Variants in MPP7 observed in about 807,000 individuals in gnomAD.
MPP7 encodes the protein MAGUK p55 scaffold protein 7.
Under a neutral mutation model 76.5 loss-of-function variants are expected in MPP7, and 60 were observed. That is an observed-to-expected ratio of 0.78 (90% CI 0.64 to 0.97). The LOEUF (loss-of-function observed/expected upper bound fraction) is 0.97, where lower values mean the gene tolerates loss of function less well. Among genes scored for constraint, MPP7 ranks in the 50% least tolerant of loss-of-function variants. The pLI is 0.00. For synonymous variants in MPP7, 237 were observed against 244.5 expected (o/e 0.97, Z 0.29); for missense variants, 641 against 694.0 (o/e 0.92, Z 0.86).
At chr10:28,306,829 G>A (rs975393199), upstream of MPP7, among the ~76,000 whole-genome samples, 18 of 152,264 alleles carry the variant, frequency 1.2e-4, no homozygotes, top group African/African-American at 1.9e-4. Flanking sequence ...GACCCAGATC[G>A]CAGACCTGAA....
At chr10:28,185,468 C>CA (rs1242160275) in intron 3 of MPP7, among the ~76,000 whole-genome samples, 1 of 152,088 alleles carries the variant, frequency 6.6e-6, no homozygotes, top group Non-Finnish European at 1.5e-5. Flanking sequence ...GGTGAATAGA[C>CA]AGACTCAATG....
chr10:28,169,510 C>T (rs1208765328), intron 3 of MPP7, among the ~76,000 whole-genome samples: 1 of 151,810 alleles, frequency 6.6e-6, no homozygotes, highest in Non-Finnish European at 1.5e-5. Flanking sequence ...AGCAAGACCC[C>T]ATCTCTTTAA....
chr10:28,147,407 C>T (rs1395828420), intron 5 of MPP7, 76 bp downstream of exon 5: 17 of 1,174,910 alleles, frequency 1.4e-5, no homozygotes, highest in East Asian at 4.7e-5. Flanking sequence ...AATTGATGCT[C>T]GAAACAAAAT....
chr10:28,195,424 C>G (rs1837548299), intron 3 of MPP7, among the ~76,000 whole-genome samples: 1 of 152,138 alleles, frequency 6.6e-6, no homozygotes, highest in Non-Finnish European at 1.5e-5. Flanking sequence ...TACATCTATG[C>G]AATAACTTAT....
chr10:28,114,507 G>A (rs1230484902), intron 11 of MPP7, among the ~76,000 whole-genome samples: 1 of 152,010 alleles, frequency 6.6e-6, no homozygotes, highest in Non-Finnish European at 1.5e-5. Flanking sequence ...CACGTGGTGA[G>A]TCCTGCACAC....
chr10:28,212,177 C>T (rs919137065), intron 2 of MPP7, among the ~76,000 whole-genome samples: 5 of 151,810 alleles, frequency 3.3e-5, no homozygotes, highest in East Asian at 1.9e-4. Flanking sequence ...GAGAACAGAT[C>T]GCAGGAAGCC....
At chr10:28,146,386 G>GC (rs1381310002) in intron 5 of MPP7, among the ~76,000 whole-genome samples, 1 of 139,772 alleles carries the variant, frequency 7.2e-6, no homozygotes, top group Non-Finnish European at 1.5e-5. Context: ...GTCCACGCAT[G>GC]TTTTTTTTTT....
At chr10:28,059,516 C>A (rs1851691741) in intron 14 of MPP7, 134 bp downstream of exon 14, 2 of 578,014 alleles carry the variant, frequency 3.5e-6, no homozygotes, top group South Asian at 2.5e-5. Context: ...AAATTATTAC[C>A]TTTTCATCTG....
At chr10:28,057,568 C>T (rs1291303586) in intron 15 of MPP7, 2 of 339,878 alleles carry the variant, frequency 5.9e-6, no homozygotes, top group African/African-American at 2.4e-5. Context: ...CATCACGCTT[C>T]CTGTACAGTC....
chr10:28,102,497 T>C (rs1252913398), intron 11 of MPP7, among the ~76,000 whole-genome samples: 2 of 152,198 alleles, frequency 1.3e-5, no homozygotes, highest in Admixed American at 1.3e-4. Context: ...TTATTAAATA[T>C]GGTTTTAAAG....
chr10:28,213,809 A>AAAGAG (rs1554852417), intron 2 of MPP7, among the ~76,000 whole-genome samples: 7 of 136,462 alleles, frequency 5.1e-5, no homozygotes, highest in African/African-American at 1.5e-4. Context: ...AAAAAAAAAA[A>AAAGAG]AGAGAGAGAG....
chr10:28,246,675 G>A (rs1033865231), intron 1 of MPP7, among the ~76,000 whole-genome samples: 1 of 152,094 alleles, frequency 6.6e-6, no homozygotes, highest in African/African-American at 2.4e-5. Context: ...GACAAACAGA[G>A]GATAGGGGAA....
rs149943516 is a variant in MPP7, at chr10:28,294,204, G to A, written c.-132+8657C>T. Reference sequence around the variant, plus strand: ...CAGTTTAAATATGTTTTAAACTGGAGGCTGAGGCAGGAGAATGGCGTGAAG... The same window carrying A: ...CAGTTTAAATATGTTTTAAACTGGAAGCTGAGGCAGGAGAATGGCGTGAAG... On this transcript the variant is annotated intron_variant, in intron 1 of 16. Coordinates refer to ENST00000683449, the MANE Select transcript of MPP7 (RefSeq NM_001318170.2). Among the ~76,000 whole-genome samples, 732 of 152,310 alleles carry A rather than the reference G, an allele frequency of 4.8e-3. 5 individuals are homozygous for A. The highest frequency in any genetic ancestry group is 8.5e-3 in the Non-Finnish European group (576 of 68,032).
At position 28,056,623 on chromosome 10, in the gene MPP7, T is replaced by C. The variant is rs1254624625; in HGVS notation, c.1408A>G (p.Thr470Ala). Residue 470 changes from threonine to alanine, a missense_variant and splice_region_variant, in exon 16 of 17, where the codon ACA becomes GCA. Thr to Ala is a moderately conservative substitution (Grantham distance 58, BLOSUM62 0). Coordinates refer to ENST00000683449, the MANE Select transcript of MPP7 (RefSeq NM_001318170.2). ...KVCLLDVQPH[T>A]VKHLRTLEFK... ...TCTAGTGTCCTTAAATGCTTCACTGTCTACAAGGAAGAAAAGAAAGTTTTC... is the reference window on the plus strand; with the variant it reads ...TCTAGTGTCCTTAAATGCTTCACTGCCTACAAGGAAGAAAAGAAAGTTTTC... 13 of 1,549,460 alleles carry C rather than the reference T, an allele frequency of 8.4e-6. No homozygotes were observed. Among genetic ancestry groups the C allele is most frequent in the Admixed American group, 2.4e-5 (1 of 41,664 alleles).
intron 3 of MPP7, among the ~76,000 whole-genome samples, chr10:28,196,769 C>A (rs1837596753): frequency 6.6e-6 from 1 of 152,068 alleles, no homozygotes; most frequent in African/African-American, 2.4e-5. Flanking sequence ...TGAACATCAG[C>A]CTCCCTCTCT....
At chr10:28,262,612 A>T (rs1840028051) in intron 1 of MPP7, among the ~76,000 whole-genome samples, 1 of 152,074 alleles carries the variant, frequency 6.6e-6, no homozygotes, top group South Asian at 2.1e-4. Flanking sequence ...AAAACTATGG[A>T]TCCTTTCTTT....
chr10:28,312,899 C>T (rs1392315629), intron 2 of MPP7, among the ~76,000 whole-genome samples: 1 of 152,154 alleles, frequency 6.6e-6, no homozygotes, highest in Non-Finnish European at 1.5e-5. Flanking sequence ...ACTCCTTGTT[C>T]CACGTTGAAG....
intron 2 of MPP7, among the ~76,000 whole-genome samples, chr10:28,209,465 T>C (rs1838059202): frequency 8.0e-6 from 1 of 125,698 alleles, no homozygotes; most frequent in Admixed American, 8.1e-5. Flanking sequence ...TGAAATCCTA[T>C]CTCCAAAAAA....
At chr10:28,085,397 A>G (rs1007620974) in intron 12 of MPP7, among the ~76,000 whole-genome samples, 1 of 152,208 alleles carries the variant, frequency 6.6e-6, no homozygotes, top group African/African-American at 2.4e-5. Context: ...GAAGGACAGG[A>G]CCCTCTTAAA....
Sources: gnomAD v4.1 joint callset for allele counts (sites outside exome capture counted in the v4.1 genomes callset) on GRCh38, gnomAD v4.1.1 for gene constraint, MANE v1.5 for transcripts, NCBI Gene and HGNC (gene_info 2026-07-23, HGNC 2026-07-21) for gene names.